Variants in ROBO2 observed in about 807,000 individuals in gnomAD.
ROBO2 encodes roundabout homolog 2.
Under a neutral mutation model 160.8 loss-of-function variants are expected in ROBO2, and 53 were observed. The observed-to-expected ratio is 0.33, with a 90% CI of 0.26 to 0.41. The LOEUF (loss-of-function observed/expected upper bound fraction) is 0.41. ROBO2 is among the 10% of genes least tolerant of loss of function. The pLI, the probability that ROBO2 is intolerant of heterozygous loss-of-function variation, is 1.00. For synonymous variants in ROBO2, 664 were observed against 611.7 expected, an observed-to-expected ratio of 1.09 and a Z score of -1.26; for missense variants, 1,577 against 1,722.4, an observed-to-expected ratio of 0.92 and a Z score of 1.49.
chr3:76,719,168 A>T (rs2093427722), intron 2 of ROBO2, among the ~76,000 whole-genome samples: 1 of 152,226 alleles, frequency 6.6e-6, no homozygotes, highest in Non-Finnish European at 1.5e-5. Flanking sequence ...CACCTAAATT[A>T]TGTGTACATA....
intron 2 of ROBO2, among the ~76,000 whole-genome samples, chr3:76,382,404 CG>C (rs2076675727): frequency 6.6e-6 from 1 of 152,090 alleles, no homozygotes; most frequent in Non-Finnish European, 1.5e-5. Context: ...CTGGCTAACA[CG>C]GTGGAACCCC....
intron 2 of ROBO2, among the ~76,000 whole-genome samples, chr3:75,993,162 A>G (rs1241536625): frequency 6.6e-6 from 1 of 152,108 alleles, no homozygotes; most frequent in African/African-American, 2.4e-5. Flanking sequence ...TGAGGACATG[A>G]GATTTGGGAG....
chr3:76,118,434 G>C (rs2070571289), intron 2 of ROBO2, among the ~76,000 whole-genome samples: 1 of 152,114 alleles, frequency 6.6e-6, no homozygotes, highest in Admixed American at 6.6e-5. Flanking sequence ...CTGATACTTA[G>C]TATGGAAAAG....
Position 75,944,887 on chromosome 3 carries a change from C to A in ROBO2, c.109+7285C>A, listed in dbSNP as rs539728056. 7.3e-3 allele frequency among the ~76,000 whole-genome samples: 1,109 copies of A among 152,204 alleles called. 16 individuals carry two copies. Among genetic ancestry groups the A allele is most frequent in the African/African-American group, 0.026 (1,079 of 41,530 alleles). ...TTTTCTCCACCTAGTTATCTTCCTA[C>A]TTTCTGTCCTTTAACTCAGATATCA... On this transcript the variant is annotated intron_variant, in intron 2 of 26. Coordinates refer to the ROBO2 transcript ENST00000487694.
chr3:77,369,498 T>C (rs1005313599), intron 2 of ROBO2, among the ~76,000 whole-genome samples: 1 of 152,170 alleles, frequency 6.6e-6, no homozygotes, highest in Non-Finnish European at 1.5e-5. Flanking sequence ...CTAGCAGGTA[T>C]GTGGATGTAG....
At chr3:77,235,493 A>G (rs1350039824) in intron 2 of ROBO2, among the ~76,000 whole-genome samples, 5 of 152,156 alleles carry the variant, frequency 3.3e-5, no homozygotes, top group Admixed American at 6.5e-5. Context: ...AACAGAATTT[A>G]CCTAAACATA....
intron 13 of ROBO2, among the ~76,000 whole-genome samples, chr3:77,573,607 T>A (rs756139406): frequency 4.1e-4 from 63 of 152,028 alleles, no homozygotes; most frequent in Non-Finnish European, 8.4e-4. Flanking sequence ...TCATATGCTT[T>A]TAAAACAAAT....
At chr3:76,221,497 C>G (rs1703963995) in intron 2 of ROBO2, among the ~76,000 whole-genome samples, 1 of 152,126 alleles carries the variant, frequency 6.6e-6, no homozygotes, top group African/African-American at 2.4e-5. Flanking sequence ...GTGAGCAGTG[C>G]CACTCTCATT....
intron 2 of ROBO2, among the ~76,000 whole-genome samples, chr3:77,102,293 G>C (rs1480456737): frequency 6.6e-6 from 1 of 151,972 alleles, no homozygotes; most frequent in Non-Finnish European, 1.5e-5. Context: ...TTTAGTGTGT[G>C]TGTGTGTTGC....
chr3:76,258,906 A>G (rs1337271913), intron 2 of ROBO2, among the ~76,000 whole-genome samples: 1 of 152,072 alleles, frequency 6.6e-6, no homozygotes, highest in Non-Finnish European at 1.5e-5. Context: ...TTTTTCAGCA[A>G]TGACTATTGT....
At chr3:76,774,191 G>A (rs554157418) in intron 2 of ROBO2, among the ~76,000 whole-genome samples, 1 of 150,960 alleles carries the variant, frequency 6.6e-6, no homozygotes, top group African/African-American at 2.4e-5. Flanking sequence ...TGTAATTCTG[G>A]AATTCATGAG....
intron 12 of ROBO2, 134 bp from the exon 14 acceptor site, chr3:77,568,179 T>A (rs554500652): frequency 1.1e-6 from 1 of 928,854 alleles, no homozygotes; most frequent in African/African-American, 1.6e-5. Flanking sequence ...GCTTAAATGC[T>A]TTTTGTCACA....
At chr3:76,357,051 A>G (rs144599107) in intron 2 of ROBO2, among the ~76,000 whole-genome samples, 2 of 152,038 alleles carry the variant, frequency 1.3e-5, no homozygotes, top group African/African-American at 4.8e-5. Flanking sequence ...GAACTATTTA[A>G]AAAAAGGCAG....
intron 2 of ROBO2, among the ~76,000 whole-genome samples, chr3:76,464,136 G>A (rs1242459169): frequency 6.6e-6 from 1 of 152,118 alleles, no homozygotes; most frequent in Non-Finnish European, 1.5e-5. Context: ...ATGAAGTATA[G>A]ATTCAGATTT....
chr3:76,699,053 A>G (rs753686158), intron 2 of ROBO2, among the ~76,000 whole-genome samples: 1 of 152,186 alleles, frequency 6.6e-6, no homozygotes. Context: ...AATGACAGAA[A>G]TTTAAATACA....
At chr3:77,205,004 G>C (rs1388529068) in intron 2 of ROBO2, among the ~76,000 whole-genome samples, 1 of 152,182 alleles carries the variant, frequency 6.6e-6, no homozygotes, top group Non-Finnish European at 1.5e-5. Context: ...TGCAGGAGCC[G>C]GGCGGGGCAA....
intron 2 of ROBO2, among the ~76,000 whole-genome samples, chr3:76,110,891 A>G (rs1668504703): frequency 6.6e-6 from 1 of 152,184 alleles, no homozygotes; most frequent in African/African-American, 2.4e-5. Context: ...TTTAGCAAAC[A>G]GGAAAACTTT....
chr3:76,059,536 G>T (rs986884002), intron 2 of ROBO2, among the ~76,000 whole-genome samples: 3 of 152,100 alleles, frequency 2.0e-5, no homozygotes, highest in East Asian at 3.9e-4. Flanking sequence ...GTTTATTGTA[G>T]ATTCTGGATA....
intron 2 of ROBO2, among the ~76,000 whole-genome samples, chr3:77,448,412 G>T (rs538326023): frequency 6.6e-6 from 1 of 152,156 alleles, no homozygotes; most frequent in South Asian, 2.1e-4. Context: ...GACTGTAGAT[G>T]AATCAGTGTC....
Sources: allele counts gnomAD v4.1 joint callset (sites outside exome capture counted in the v4.1 genomes callset), GRCh38; gene constraint gnomAD v4.1.1; transcripts MANE v1.5; gene names NCBI Gene and HGNC (gene_info 2026-07-23, HGNC 2026-07-21).